The following HBS1L variants were observed in gnomAD, a reference collection of about 807,000 sequenced individuals.
HBS1L encodes HBS1 like translational GTPase.
In HBS1L, 55 loss-of-function variants were observed where a neutral mutation model predicts 88.9. The ratio of observed to expected loss-of-function variants is 0.62; its 90% CI spans 0.50 to 0.77. HBS1L has a LOEUF of 0.77. Among genes scored for constraint, HBS1L ranks in the 30% least tolerant of loss-of-function variants. The pLI is 0.00. For synonymous variants in HBS1L, 267 were observed against 288.5 expected (o/e 0.93, Z 0.76); for missense variants, 741 against 829.3 (o/e 0.89, Z 1.31).
chr6:134,999,453 T>TTC (rs989064563), intron 5 of HBS1L, among the ~76,000 whole-genome samples: 2 of 146,370 alleles, frequency 1.4e-5, no homozygotes, highest in Non-Finnish European at 3.0e-5. Context: ...CTTTTCTTTT[T>TTC]TTTTTTTTTT....
intron 15 of HBS1L, among the ~76,000 whole-genome samples, chr6:134,971,678 A>T (rs1381070521): frequency 1.3e-5 from 2 of 152,222 alleles, no homozygotes; most frequent in African/African-American, 4.8e-5. Flanking sequence ...AATTCATATT[A>T]TATATAACCA....
rs749065172 is a variant in HBS1L, at chr6:134,985,426, G to C, written c.1424-17C>G. On this transcript the variant is annotated splice_polypyrimidine_tract_variant and intron_variant, in intron 11 of 17. Transcript: ENST00000367837. ...TAAAGGAATCTGGAAAAAAGAAATT[G>C]CAAAAGGCAAGGTTTAATTTAAAAT... 4.6e-6 allele frequency: 7 copies of C among 1,536,186 alleles called. No individual in the cohort carries two copies. The East Asian group carries it at 1.6e-4, about 35-fold the overall frequency.
intron 4 of HBS1L, among the ~76,000 whole-genome samples, chr6:135,005,538 T>C (rs1221478981): frequency 6.6e-6 from 1 of 152,188 alleles, no homozygotes; most frequent in Non-Finnish European, 1.5e-5. Flanking sequence ...GGGCTTTAGA[T>C]AGGGATTTCA....
chr6:135,025,530 C>A (rs1776202561), intron 4 of HBS1L, among the ~76,000 whole-genome samples: 1 of 152,288 alleles, frequency 6.6e-6, no homozygotes, highest in South Asian at 2.1e-4. Flanking sequence ...GCTGACAAAA[C>A]TGCTGCAACA....
Position 134,982,534 on chromosome 6 carries a change from A to G in HBS1L, c.1521T>C (p.Gly507=), listed in dbSNP as rs745943944. 6.1e-5 allele frequency: 98 copies of G among 1,610,538 alleles called. No homozygotes were observed. Among genetic ancestry groups the G allele is most frequent in the Non-Finnish European group, 7.6e-5 (90 of 1,177,498 alleles). The change falls in exon 13 of 18, where the codon GGT becomes GGC. Residue 507 remains glycine, a synonymous_variant. Coordinates refer to ENST00000367837, the MANE Select transcript of HBS1L (RefSeq NM_006620.4). ...TTTGGATATAACCAGCTTCTATTTT[A>G]CCAGTTATGCAAAATCCAGATCCTT... is the stretch of plus-strand genomic sequence containing the variant. ...KDQGSGFCIT[G]KIEAGYIQTG... is the part of the protein sequence containing the mutation.
intron 4 of HBS1L, among the ~76,000 whole-genome samples, chr6:135,015,260 A>C (rs1268774016): frequency 6.6e-6 from 1 of 152,230 alleles, no homozygotes; most frequent in East Asian, 1.9e-4. Flanking sequence ...TCCTCATAGA[A>C]TCCTTACATA....
intron 4 of HBS1L, among the ~76,000 whole-genome samples, chr6:135,015,421 T>C (rs1170743029): frequency 1.3e-5 from 2 of 152,094 alleles, no homozygotes; most frequent in African/African-American, 4.8e-5. Flanking sequence ...TCTAGGTTGC[T>C]TCCACGGCAC....
At chr6:135,044,395 T>A (rs1776845064) in intron 2 of HBS1L, among the ~76,000 whole-genome samples, 1 of 152,198 alleles carries the variant, frequency 6.6e-6, no homozygotes, top group Non-Finnish European at 1.5e-5. Flanking sequence ...TGTATGTATG[T>A]GTAGGGATAC....
intron 12 of HBS1L, 56 bp from the exon 13 acceptor site, chr6:134,982,618 T>C (rs1319151734): frequency 1.1e-6 from 1 of 906,130 alleles, no homozygotes; most frequent in African/African-American, 1.7e-5. Flanking sequence ...TGATGATTAA[T>C]ACCGTTAACT....
rs1774251079 is a variant in HBS1L at position 134,964,321 on chromosome 6, G to A, written c.*958C>T. ...CCTGTTGTTAAATAAATAAACCTTG[G>A]GGTTTGTTGTTGAAACTTTAAAGAA... On this transcript the variant is annotated 3_prime_UTR_variant, in exon 18 of 18. Transcript: ENST00000367837. The A allele has an allele frequency of 6.6e-6, 1 of 152,042 alleles. No individual in the cohort carries two copies. Among genetic ancestry groups the A allele is most frequent in the Non-Finnish European group, 1.5e-5 (1 of 68,008 alleles). 9.4% of individuals were successfully genotyped at this position (152,042 alleles called of 1,614,324 possible).
At chr6:135,037,083 A>T in intron 4 of HBS1L, 1 of 1,551,704 alleles carries the variant, frequency 6.4e-7, no homozygotes, top group Non-Finnish European at 8.7e-7. Flanking sequence ...TTGTTTCTGC[A>T]ATCAATTCAG....
intron 4 of HBS1L, among the ~76,000 whole-genome samples, chr6:135,032,578 T>A (rs1476274337): frequency 6.6e-6 from 1 of 152,170 alleles, no homozygotes; most frequent in Non-Finnish European, 1.5e-5. Flanking sequence ...AACATGTTGA[T>A]ACACAGTACT....
At chr6:135,044,958 G>A (rs1282439269) in intron 2 of HBS1L, among the ~76,000 whole-genome samples, 1 of 152,018 alleles carries the variant, frequency 6.6e-6, no homozygotes, top group Non-Finnish European at 1.5e-5. Context: ...TGGGGTCGAG[G>A]GTGGTCCTAT....
rs1311164885 is a variant in HBS1L at position 135,050,633 on chromosome 6, C to A, written c.58G>T (p.Asp20Tyr). 6.3e-7 allele frequency: 1 copy of A among 1,589,142 alleles called. No homozygotes were observed. Among genetic ancestry groups the A allele is most frequent in the Non-Finnish European group, 8.6e-7 (1 of 1,165,728 alleles). Residue 20 changes from aspartate (D) to tyrosine (Y), a missense_variant, in exon 2 of 18, where the codon GAT becomes TAT. Asp to Tyr is a radical substitution (Grantham distance 160). Around this residue, in one of 3 missense-constraint regions of HBS1L, gnomAD observed 556 missense variants for 598.4 expected, o/e 0.93. Transcript: ENST00000367837. ...YNYDEDFEDD[D>Y]LYGQSVEDDY... The stretch of plus-strand genomic sequence containing the variant: ...TCCTCTACAGACTGGCCGTAGAGAT[C>A]ATCATCTTCAAAATCTAAAATAAAG...
chr6:134,986,335 T>C (rs1458059046), intron 10 of HBS1L, 152 bp from the exon 11 acceptor site: 6 of 604,580 alleles, frequency 9.9e-6, no homozygotes, highest in Non-Finnish European at 1.2e-5. Flanking sequence ...CAAAGTTATC[T>C]GATCCAATAA....
chr6:135,032,017 A>G (rs938223407), intron 4 of HBS1L, among the ~76,000 whole-genome samples: 13 of 151,550 alleles, frequency 8.6e-5, no homozygotes, highest in Non-Finnish European at 1.5e-4. Context: ...TACATCACCA[A>G]TATTCATCAC....
chr6:135,024,970 A>C (rs1776185205), intron 4 of HBS1L, among the ~76,000 whole-genome samples: 1 of 152,162 alleles, frequency 6.6e-6, no homozygotes, highest in South Asian at 2.1e-4. Context: ...TAAGCTCCTA[A>C]ATCTTTAGGA....
At position 135,054,784 on chromosome 6, in the gene HBS1L, C is replaced by T; in HGVS notation, c.-93G>A. 6.8e-7 allele frequency: 1 copy of T among 1,473,944 alleles called. No individual in the cohort carries two copies. Among genetic ancestry groups the T allele is most frequent in the Non-Finnish European group, 9.4e-7 (1 of 1,068,742 alleles). The allele number at this position is 1,473,944 out of a possible 1,614,324, so 91.3% of individuals were successfully genotyped here. A position where few individuals can be genotyped will look rare whatever the true frequency, so the allele number is the denominator to read the frequency against. On this transcript the variant is annotated 5_prime_UTR_variant, in exon 1 of 18. Transcript: ENST00000367837. ...AGGCGCCAACTGCAGCCTGGAGAAC[C>T]CCTATGCGCCATCTTGGCTTCCCGC...
At chr6:135,034,641 C>T (rs1449567082) in intron 4 of HBS1L, among the ~76,000 whole-genome samples, 2 of 152,134 alleles carry the variant, frequency 1.3e-5, no homozygotes, top group Non-Finnish European at 2.9e-5. Flanking sequence ...GAGACTCTGT[C>T]TCAAAAAAAC....
Sources: allele counts gnomAD v4.1 joint callset (sites outside exome capture counted in the v4.1 genomes callset), GRCh38; gene constraint gnomAD v4.1.1; regional missense constraint gnomAD v4.1.1; transcripts MANE v1.5; gene names NCBI Gene and HGNC (gene_info 2026-07-23, HGNC 2026-07-21).